GNL3L: variants seen among roughly 807,000 people sequenced by gnomAD.
GNL3L encodes the protein G protein nucleolar 3 like.
Under a neutral mutation model 42.9 loss-of-function variants are expected in GNL3L, and 4 were observed. That is an observed-to-expected ratio of 0.09 (90% CI 0.05 to 0.21). The LOEUF (loss-of-function observed/expected upper bound fraction) is 0.21. Ranked by LOEUF, GNL3L falls within the 10% of genes least tolerant of loss-of-function variation. The pLI, the probability that GNL3L is intolerant of heterozygous loss-of-function variation, is 1.00. For missense variants in GNL3L, 412 were observed against 481.7 expected, an observed-to-expected ratio of 0.86 and a Z score of 1.36; for synonymous variants, 159 against 176.3, an observed-to-expected ratio of 0.90 and a Z score of 0.78.
intron 9 of GNL3L, among the ~76,000 whole-genome samples, chrX:54,550,157 A>G (rs1264095391): frequency 9.2e-6 from 1 of 108,777 alleles, no homozygotes; most frequent in Non-Finnish European, 1.9e-5. Context: ...ACTGAGTGGG[A>G]GAGATACAAG....
downstream of GNL3L, among the ~76,000 whole-genome samples, chrX:54,568,670 C>G (rs1345475939): frequency 9.0e-6 from 1 of 110,730 alleles, no homozygotes; most frequent in Non-Finnish European, 1.9e-5. Context: ...TCTCCTGCCT[C>G]AGCCTCCCAA....
intron 16 of GNL3L, among the ~76,000 whole-genome samples, chrX:54,575,212 A>T (rs754576177): frequency 2.0e-3 from 223 of 111,973 alleles, no homozygotes; most frequent in African/African-American, 6.5e-3. Flanking sequence ...TAGGTTATTG[A>T]TGGGAGATCT....
chrX:54,556,456 T>C lies in GNL3L; in HGVS notation c.1446+1764T>C, dbSNP rs148898172. On this transcript the variant is annotated intron_variant, in intron 14 of 15. Transcript: ENST00000360845. ...TGACATGTAGGGATTATGGGAATTA[T>C]GGGGTTTACAATTCAAGATGAGATT... Among the ~76,000 whole-genome samples, 117 of 111,017 alleles carry C rather than the reference T, an allele frequency of 1.1e-3. 1 individual carries two copies. The highest frequency in any genetic ancestry group is 3.7e-3 in the African/African-American group (114 of 30,539).
intron 16 of GNL3L, among the ~76,000 whole-genome samples, chrX:54,586,803 C>A (rs779354898): frequency 4.7e-4 from 53 of 111,742 alleles, no homozygotes; most frequent in Non-Finnish European, 9.8e-4. Context: ...TACCTGAGCA[C>A]ACCATCCAGG....
chrX:54,623,714 C>A (rs1248757712), downstream of GNL3L, among the ~76,000 whole-genome samples: 1 of 111,289 alleles, frequency 9.0e-6, no homozygotes, highest in African/African-American at 3.3e-5. Flanking sequence ...AGTGTACAAG[C>A]CTTTCACATT....
rs750926266 is a variant in GNL3L at position 54,587,475 on chromosome X, G to T, written c.*45+26828G>T. Reference sequence around the variant, plus strand: ...TTTGGATAGAAATTTCATTAAACCTGTGTATTAATTTGAGATAATTACCTT... The same window carrying T: ...TTTGGATAGAAATTTCATTAAACCTTTGTATTAATTTGAGATAATTACCTT... On this transcript the variant is annotated intron_variant, in intron 16 of 16. Transcript: ENST00000674498. Among the ~76,000 whole-genome samples, 53 of 111,016 alleles carry T rather than the reference G, an allele frequency of 4.8e-4. 1 individual carries two copies. Among genetic ancestry groups the T allele is most frequent in the African/African-American group, 1.6e-3 (48 of 30,568 alleles).
At chrX:54,613,596 A>C (rs1000674218) in intron 16 of GNL3L, among the ~76,000 whole-genome samples, 2 of 110,391 alleles carry the variant, frequency 1.8e-5, no homozygotes, top group African/African-American at 6.6e-5. Flanking sequence ...GGCTGAAGGG[A>C]TGTTCCCTTG....
At chrX:54,580,716 A>T (rs1305277264) in intron 16 of GNL3L, among the ~76,000 whole-genome samples, 3 of 111,793 alleles carry the variant, frequency 2.7e-5, no homozygotes, top group African/African-American at 9.8e-5. Context: ...ATGGTATCTC[A>T]TTGTGGTTTT....
intron 16 of GNL3L, among the ~76,000 whole-genome samples, chrX:54,574,472 G>T (rs372250914): frequency 8.9e-6 from 1 of 112,057 alleles, no homozygotes; most frequent in Admixed American, 9.5e-5. Context: ...TTACATGTTC[G>T]TGGAGTAAAT....
chrX:54,614,660 A>G (rs1033719320), intron 16 of GNL3L, among the ~76,000 whole-genome samples: 8 of 111,405 alleles, frequency 7.2e-5, no homozygotes, highest in African/African-American at 2.6e-4. Flanking sequence ...AGGTAAAGTC[A>G]GAAACTTGTC....
Position 54,583,965 on chromosome X carries a change from T to A in GNL3L, c.*45+23318T>A, listed in dbSNP as rs761854948. On this transcript the variant is annotated intron_variant, in intron 16 of 16. Coordinates refer to the GNL3L transcript ENST00000674498. ...GCCCAAATTCAACATCTTTTCATGATAAAAACTCTACAAAATTGAGTTTGG... is the reference window on the plus strand; with the variant it reads ...GCCCAAATTCAACATCTTTTCATGAAAAAAACTCTACAAAATTGAGTTTGG... Among the ~76,000 whole-genome samples, 5 of 111,524 alleles carry A rather than the reference T, an allele frequency of 4.5e-5. No homozygotes were observed. In the East Asian group the frequency reaches 1.1e-3, roughly 25 times the overall value.
chrX:54,551,958 C>G lies in GNL3L; in HGVS notation c.1165C>G (p.Leu389Val), dbSNP rs754834193. 9.9e-6 allele frequency: 12 copies of G among 1,211,543 alleles called. No homozygotes were observed. The South Asian group carries it at 1.9e-4, about 19-fold the overall frequency. Residue 389 changes from leucine to valine, a missense_variant, in exon 12 of 16, where the codon CTA becomes GTA. Transcript: ENST00000360845. ...TCAGGAACAGGCGGCCAAAGCTGTCCTAGCTGACTGGGTGAGGTGAGGAGG... is the reference window on the plus strand; with the variant it reads ...TCAGGAACAGGCGGCCAAAGCTGTCGTAGCTGACTGGGTGAGGTGAGGAGG... ...YSQEQAAKAV[L>V]ADWVSGKISF...
In GNL3L at chrX:54,552,292, C is replaced by T. The variant is rs147602603; in HGVS notation, c.1182C>T (p.Ser394=). 267 of 1,204,697 alleles carry T rather than the reference C, an allele frequency of 2.2e-4. No individual in the cohort carries two copies. The African/African-American group carries it at 3.8e-3, about 17-fold the overall frequency. ...AAKAVLADWV[S]GKISFYIPPP... ...TCATCTCCCCTATCTCCCAATGCAGCGGGAAGATCAGCTTCTATATACCAC... is the reference window on the plus strand; with the variant it reads ...TCATCTCCCCTATCTCCCAATGCAGTGGGAAGATCAGCTTCTATATACCAC... Residue 394 remains serine (S), a splice_region_variant and synonymous_variant, in exon 13 of 16, where the codon AGC becomes AGT. Coordinates refer to ENST00000360845, the MANE Select transcript of GNL3L (RefSeq NM_001184819.2).
chrX:54,548,945 A>G (rs923138797), intron 9 of GNL3L, among the ~76,000 whole-genome samples: 2 of 111,406 alleles, frequency 1.8e-5, no homozygotes, highest in Non-Finnish European at 3.8e-5. Context: ...GCCAGATGGC[A>G]GGATTGGTGG....
In GNL3L at chrX:54,597,649, A is replaced by G. The variant is rs766582281; in HGVS notation, c.*46-23196A>G. 5.1e-3 allele frequency among the ~76,000 whole-genome samples: 564 copies of G among 110,831 alleles called. 2 individuals carry two copies. The highest frequency in any genetic ancestry group is 9.0e-3 in the Non-Finnish European group (474 of 52,929). ...AGGTGTTGCAGTCCTTGTGGCCTAG[A>G]CTGCCTTTCAAGTTTATTTGTAGCC... On this transcript the variant is annotated intron_variant, in intron 16 of 16. Coordinates refer to the GNL3L transcript ENST00000674498.
At chrX:54,583,860 C>T (rs1925747190) in intron 16 of GNL3L, among the ~76,000 whole-genome samples, 1 of 110,408 alleles carries the variant, frequency 9.1e-6, no homozygotes, top group Non-Finnish European at 1.9e-5. Flanking sequence ...CCAGGCTGGT[C>T]TCCAACTTCT....
chrX:54,530,622 T>C (rs1046731906), intron 1 of GNL3L, among the ~76,000 whole-genome samples: 6 of 111,992 alleles, frequency 5.4e-5, no homozygotes, highest in Non-Finnish European at 1.1e-4. Context: ...GAAGCGTTGA[T>C]CGTCCTCAAG....
intron 16 of GNL3L, among the ~76,000 whole-genome samples, chrX:54,586,172 G>T (rs183818334): frequency 9.0e-6 from 1 of 111,351 alleles, no homozygotes; most frequent in East Asian, 2.8e-4. Context: ...GATCACCTTG[G>T]ATCTGGGGGA....
chrX:54,533,564 C>T (rs1355198063), intron 2 of GNL3L, among the ~76,000 whole-genome samples: 1 of 110,694 alleles, frequency 9.0e-6, no homozygotes, highest in Non-Finnish European at 1.9e-5. Context: ...AAGAATCATA[C>T]TGTTAATACC....
Sources: gnomAD v4.1 joint callset for allele counts (sites outside exome capture counted in the v4.1 genomes callset) on GRCh38, gnomAD v4.1.1 for gene constraint, MANE v1.5 for transcripts, NCBI Gene and HGNC (gene_info 2026-07-23, HGNC 2026-07-21) for gene names.